ZC4H2: variants seen among roughly 807,000 people sequenced by gnomAD.
The protein encoded by ZC4H2 is zinc finger C4H2-type containing.
For missense variants in ZC4H2, 137 were observed against 173.9 expected (o/e 0.79, Z 1.19); for synonymous variants, 84 against 66.3 (o/e 1.27, Z -1.30).
chrX:64,940,160 T>C (rs916983143), intron 1 of ZC4H2, among the ~76,000 whole-genome samples: 5 of 112,217 alleles, frequency 4.5e-5, no homozygotes, highest in African/African-American at 1.3e-4. Context: ...TAATGACCAG[T>C]GATGACGAGC....
At chrX:64,993,172 C>T (rs1319274988) in intron 1 of ZC4H2, among the ~76,000 whole-genome samples, 1 of 112,135 alleles carries the variant, frequency 8.9e-6, no homozygotes, top group Non-Finnish European at 1.9e-5. Flanking sequence ...ACATTTCAGA[C>T]ATATTAGGTT....
At chrX:65,018,660 G>C (rs1356631648) in intron 1 of ZC4H2, among the ~76,000 whole-genome samples, 8 of 110,056 alleles carry the variant, frequency 7.3e-5, no homozygotes, top group African/African-American at 2.0e-4. Flanking sequence ...TATCCCAGTG[G>C]CACCTGGAAT....
At chrX:64,962,519 C>A (rs1311920797) in intron 1 of ZC4H2, among the ~76,000 whole-genome samples, 18 of 111,207 alleles carry the variant, frequency 1.6e-4, no homozygotes, top group Non-Finnish European at 1.9e-5. Flanking sequence ...CATTTCTATT[C>A]AACATAGATC....
intron 1 of ZC4H2, among the ~76,000 whole-genome samples, chrX:64,923,123 A>G (rs753625541): frequency 1.3e-3 from 147 of 112,132 alleles, no homozygotes; most frequent in Non-Finnish European, 2.3e-3. Context: ...AAATTAGGAT[A>G]TTTGACAGCC....
chrX:64,921,888 T>A lies in ZC4H2; in HGVS notation c.154A>T (p.Met52Leu). Residue 52 changes from methionine to leucine, a missense_variant, in exon 2 of 5, where the codon ATG (methionine) becomes TTG (leucine). Transcript: ENST00000374839. ...ERHLKEYKQEMDLLLQEKMAH... is the reference protein window; with the variant it reads ...ERHLKEYKQELDLLLQEKMAH... Reference sequence around the variant, plus strand: ...ATCTTCTCCTGTAGCAGAAGGTCCATCTCCTGCTTGTATTCCTTCAGGTGC... The same window carrying A: ...ATCTTCTCCTGTAGCAGAAGGTCCAACTCCTGCTTGTATTCCTTCAGGTGC... 2 of 1,210,457 alleles carry A rather than the reference T, an allele frequency of 1.7e-6. No individual in the cohort carries two copies. The highest frequency in any genetic ancestry group is 2.2e-6 in the Non-Finnish European group (2 of 895,243).
chrX:64,951,502 G>A (rs950722433), intron 1 of ZC4H2, among the ~76,000 whole-genome samples: 56 of 112,179 alleles, frequency 5.0e-4, no homozygotes, highest in African/African-American at 1.8e-3. Context: ...TCTAACTGGT[G>A]TGAGATGGTA....
At chrX:64,918,874 G>A in intron 4 of ZC4H2, 168 bp downstream of exon 4, 1 of 535,373 alleles carries the variant, frequency 1.9e-6, no homozygotes, top group East Asian at 4.1e-5. Flanking sequence ...CCTGTGCTGT[G>A]TGTGTCCAAC....
At chrX:65,019,055 C>T (rs1326636617) in intron 1 of ZC4H2, among the ~76,000 whole-genome samples, 1 of 111,767 alleles carries the variant, frequency 8.9e-6, no homozygotes, top group Non-Finnish European at 1.9e-5. Flanking sequence ...ATAGATAAAA[C>T]CCCCATCTCA....
intron 1 of ZC4H2, chrX:64,922,256 AAAAG>A: frequency 5.8e-5 from 18 of 308,588 alleles, no homozygotes; most frequent in East Asian, 6.7e-5. Flanking sequence ...ACAAAAAAAA[AAAAG>A]AAAAAGAAAA....
At chrX:65,002,538 C>A (rs1226400034) in intron 1 of ZC4H2, among the ~76,000 whole-genome samples, 1 of 110,934 alleles carries the variant, frequency 9.0e-6, no homozygotes, top group Non-Finnish European at 1.9e-5. Context: ...TCTGCCCGGC[C>A]GCCACCCCGT....
chrX:64,975,490 G>A (rs190158303), intron 1 of ZC4H2, among the ~76,000 whole-genome samples: 1 of 112,145 alleles, frequency 8.9e-6, no homozygotes, highest in Non-Finnish European at 1.9e-5. Context: ...CTCAGAGTGA[G>A]AGCAAAAGCC....
chrX:65,019,290 G>A (rs1932818775), intron 1 of ZC4H2, among the ~76,000 whole-genome samples: 1 of 111,952 alleles, frequency 8.9e-6, no homozygotes, highest in African/African-American at 3.3e-5. Flanking sequence ...GAGAGCTCTG[G>A]CTGGCGTCTG....
upstream of ZC4H2, among the ~76,000 whole-genome samples, chrX:64,979,006 A>G (rs181263043): frequency 3.6e-5 from 4 of 111,889 alleles, no homozygotes. Context: ...GTGGGTATGT[A>G]TCTGTTTCAA....
chrX:64,922,676 T>C (rs1929257945), intron 1 of ZC4H2, among the ~76,000 whole-genome samples: 1 of 112,156 alleles, frequency 8.9e-6, no homozygotes. Context: ...AAAAATGATC[T>C]CTTGAGAAAC....
intron 1 of ZC4H2, among the ~76,000 whole-genome samples, chrX:65,027,179 G>A (rs1031070053): frequency 8.9e-6 from 1 of 112,116 alleles, no homozygotes. Context: ...AGATTCCTGA[G>A]CATGAAGTAG....
intron 1 of ZC4H2, among the ~76,000 whole-genome samples, chrX:64,955,723 T>C (rs1042970467): frequency 5.3e-5 from 6 of 112,330 alleles, no homozygotes; most frequent in East Asian, 5.6e-4. Context: ...CTCTGAAGAA[T>C]AGAAGTGAAA....
intron 1 of ZC4H2, among the ~76,000 whole-genome samples, chrX:65,003,693 T>C (rs766332195): frequency 6.4e-5 from 7 of 109,890 alleles, no homozygotes; most frequent in East Asian, 2.9e-4. Context: ...CTAGCTAACA[T>C]GGCGAAACCC....
chrX:65,008,507 G>T (rs758527017), intron 1 of ZC4H2, among the ~76,000 whole-genome samples: 2 of 112,291 alleles, frequency 1.8e-5, no homozygotes, highest in African/African-American at 6.5e-5. Flanking sequence ...AGAGATAACT[G>T]CCCTCCCATG....
intron 1 of ZC4H2, among the ~76,000 whole-genome samples, chrX:65,002,566 C>T (rs1258296161): frequency 8.9e-6 from 1 of 111,948 alleles, no homozygotes; most frequent in African/African-American, 3.2e-5. Context: ...GTGTACCCAA[C>T]AGCTCATTGA....
Sources: gnomAD v4.1 joint callset for allele counts (sites outside exome capture counted in the v4.1 genomes callset) on GRCh38, gnomAD v4.1.1 for gene constraint, MANE v1.5 for transcripts, NCBI Gene and HGNC (gene_info 2026-07-23, HGNC 2026-07-21) for gene names.